SDR42E1: variants seen among roughly 807,000 people sequenced by gnomAD.
SDR42E1 encodes the protein short-chain dehydrogenase/reductase family 42E member 1.
A neutral mutation model predicts 2.6 loss-of-function variants in SDR42E1; 5 were observed. The observed-to-expected ratio is 1.94, with a 90% CI of 1.01 to 4.08. SDR42E1 has a LOEUF of 4.08. Among genes scored for constraint, SDR42E1 ranks in the 30% most tolerant of loss-of-function variants. The probability of loss-of-function intolerance (pLI) is 0.00; values close to 1 mark genes in which losing one functional copy is unlikely to be tolerated. For synonymous variants in SDR42E1, 231 were observed against 188.3 expected, an observed-to-expected ratio of 1.23 and a Z score of -1.86; for missense variants, 596 against 478.6, an observed-to-expected ratio of 1.25 and a Z score of -2.29.
At chr16:82,000,739 T>C in intron 2 of SDR42E1, 52 bp downstream of exon 2, 1 of 1,352,920 alleles carries the variant, frequency 7.4e-7, no homozygotes, top group Non-Finnish European at 1.1e-6. Flanking sequence ...TGAATGCTTC[T>C]GGCAACTACC....
Position 81,999,916 on chromosome 16 carries a change from A to T in SDR42E1, c.377T>A (p.Val126Asp). The change falls in exon 3 of 3, where the codon GTC becomes GAC. Residue 126 changes from valine to aspartate, a missense_variant. Coordinates refer to ENST00000328945, the MANE Select transcript of SDR42E1 (RefSeq NM_145168.3). ...TCTGATAACTTGACCTCCAAAGATG[A>T]CATTGAAAGTGCTGGTGTAAACTAA... ...PRLVYTSTFN[V>D]IFGGQVIRNG... is the part of the protein sequence containing the mutation. 6.2e-7 allele frequency: 1 copy of T among 1,614,226 alleles called. No individual in the cohort carries two copies. Among genetic ancestry groups the T allele is most frequent in the Non-Finnish European group, 8.5e-7 (1 of 1,180,044 alleles).
At chr16:82,001,901 C>CAA (rs60540378) in intron 1 of SDR42E1, among the ~76,000 whole-genome samples, 14 of 67,698 alleles carry the variant, frequency 2.1e-4, no homozygotes, top group African/African-American at 4.1e-4. Flanking sequence ...GACTCCATCT[C>CAA]AAAAAAAAAA....
intron 1 of SDR42E1, among the ~76,000 whole-genome samples, chr16:82,010,276 T>C (rs1239618309): frequency 1.3e-5 from 2 of 152,116 alleles, no homozygotes; most frequent in Non-Finnish European, 2.9e-5. Flanking sequence ...ATGAGGAAAA[T>C]AGATCAGAGG....
At chr16:82,011,235 C>A (rs1403230071) in intron 1 of SDR42E1, among the ~76,000 whole-genome samples, 152 bp downstream of exon 1, 1 of 152,198 alleles carries the variant, frequency 6.6e-6, no homozygotes, top group Non-Finnish European at 1.5e-5. Context: ...AGGAAGACAT[C>A]TGAAAGGGGA....
chr16:82,000,184 G>A lies in SDR42E1; in HGVS notation c.109C>T (p.Leu37=). ...TGAGCAGGGCTGCTGATGTCAAACA[G>A]AATCACATGGACTCCATTTTGGTTC... ...ALNQNGVHVI[L]FDISSPAQTI... is the part of the protein sequence containing the mutation. The change falls in exon 3 of 3, where the codon CTG becomes TTG. Residue 37 remains leucine (L), a synonymous_variant. Transcript: ENST00000328945. 2 of 1,610,952 alleles carry A rather than the reference G, an allele frequency of 1.2e-6. No homozygotes were observed. The highest frequency in any genetic ancestry group is 1.7e-6 in the Non-Finnish European group (2 of 1,178,416).
chr16:82,001,730 G>A (rs571029843), intron 1 of SDR42E1, among the ~76,000 whole-genome samples: 5 of 151,906 alleles, frequency 3.3e-5, no homozygotes, highest in East Asian at 3.9e-4. Context: ...GTGAAACCCC[G>A]TCTCTACTAA....
chr16:81,997,353 G>C lies in SDR42E1; in HGVS notation c.*1758C>G, dbSNP rs1308896809. 6.6e-6 allele frequency: 1 copy of C among 152,108 alleles called. No homozygotes were observed. The highest frequency in any genetic ancestry group is 2.1e-4 in the South Asian group (1 of 4,818). 9.4% of individuals were successfully genotyped at this position (152,108 alleles called of 1,614,324 possible). A position where few individuals can be genotyped will look rare whatever the true frequency, so the allele number is the denominator to read the frequency against. On this transcript the variant is annotated 3_prime_UTR_variant, in exon 3 of 3. Transcript: ENST00000328945. ...TCGCCTTTGACCATCTCCCTCTTCT[G>C]GTATAATACGGAAATACCTTTGTGT...
intron 1 of SDR42E1, among the ~76,000 whole-genome samples, chr16:82,008,170 A>G (rs148802103): frequency 0.03 from 4,560 of 152,316 alleles, 189 homozygotes; most frequent in African/African-American, 0.082. Context: ...GCCTTCTGCC[A>G]TGATTATGAG....
At chr16:82,008,254 C>A (rs969195090) in intron 1 of SDR42E1, among the ~76,000 whole-genome samples, 1 of 152,224 alleles carries the variant, frequency 6.6e-6, no homozygotes, top group African/African-American at 2.4e-5. Context: ...TTGGGAATGT[C>A]TTTATTAGCA....
intron 1 of SDR42E1, among the ~76,000 whole-genome samples, chr16:82,005,969 T>A (rs149801740): frequency 6.6e-4 from 101 of 152,320 alleles, no homozygotes; most frequent in Non-Finnish European, 3.2e-4. Flanking sequence ...TAATAAAAGA[T>A]GACTGGGAGT....
At position 81,990,218 on chromosome 16, in the gene SDR42E1, T is replaced by G. The variant is rs1474608184; in HGVS notation, c.*8893A>C. The G allele has an allele frequency of 6.6e-6, 1 of 152,286 alleles. No individual in the cohort carries two copies. The highest frequency in any genetic ancestry group is 1.9e-4 in the East Asian group (1 of 5,202). 9.4% of individuals were successfully genotyped at this position (152,286 alleles called of 1,614,324 possible). A position where few individuals can be genotyped will look rare whatever the true frequency, so the allele number is the denominator to read the frequency against. On this transcript the variant is annotated 3_prime_UTR_variant, in exon 3 of 3. Transcript: ENST00000328945. ...GTTCTAGCTACTTAGGAGGATCACC[T>G]GAGCCCAGGAGGGCACTGCAGCAGT...
intron 1 of SDR42E1, among the ~76,000 whole-genome samples, chr16:82,006,144 T>C (rs1014907296): frequency 3.9e-5 from 6 of 152,134 alleles, no homozygotes; most frequent in South Asian, 2.1e-4. Flanking sequence ...ATTTCACCAA[T>C]AGAAAGTATG....
intron 2 of SDR42E1, chr16:82,000,503 G>C: frequency 1.7e-6 from 1 of 592,582 alleles, no homozygotes; most frequent in Non-Finnish European, 3.0e-6. Flanking sequence ...CTATTCTTTG[G>C]AATATTTGTG....
In SDR42E1 at chr16:81,999,041, A is replaced by G; in HGVS notation, c.*70T>C. ...TGTTTGGCACCAGATATCACTGTAC[A>G]CATTTTAAAACCCATGTTTCTTGAG... On this transcript the variant is annotated 3_prime_UTR_variant, in exon 3 of 3. Transcript: ENST00000328945. 2.7e-6 allele frequency: 4 copies of G among 1,508,140 alleles called. No homozygotes were observed. The highest frequency in any genetic ancestry group is 2.3e-5 in the East Asian group (1 of 44,306). The allele number at this position is 1,508,140 out of a possible 1,614,324, so 93.4% of individuals were successfully genotyped here. A position where few individuals can be genotyped will look rare whatever the true frequency, so the allele number is the denominator to read the frequency against.
At position 81,989,658 on chromosome 16, in the gene SDR42E1, C is replaced by G. The variant is rs753059377; in HGVS notation, c.*9453G>C. ...AGCATGGTGTAATTGACTCTGCAAT[C>G]TCAAGAAAAGAAAAACTCATTTTCA... On this transcript the variant is annotated 3_prime_UTR_variant, in exon 3 of 3. Transcript: ENST00000328945. The G allele has an allele frequency of 5.3e-5, 8 of 152,180 alleles. No individual in the cohort carries two copies. The highest frequency in any genetic ancestry group is 8.8e-5 in the Non-Finnish European group (6 of 68,038). 9.4% of individuals were successfully genotyped at this position (152,180 alleles called of 1,614,324 possible).
chr16:82,007,488 G>C (rs1254579414), intron 1 of SDR42E1, among the ~76,000 whole-genome samples: 1 of 152,204 alleles, frequency 6.6e-6, no homozygotes, highest in African/African-American at 2.4e-5. Context: ...GAAGCTCAGA[G>C]ACACAAAGTG....
At chr16:82,009,686 T>C (rs570911460) in intron 1 of SDR42E1, among the ~76,000 whole-genome samples, 20 of 152,340 alleles carry the variant, frequency 1.3e-4, no homozygotes, top group African/African-American at 4.6e-4. Context: ...TTGCCTTGCC[T>C]CAGATGAGAC....
chr16:81,999,054 C>A lies in SDR42E1; in HGVS notation c.*57G>T. 6.5e-7 allele frequency: 1 copy of A among 1,547,538 alleles called. No homozygotes were observed. Among genetic ancestry groups the A allele is most frequent in the South Asian group, 1.3e-5 (1 of 79,026 alleles). Reference sequence around the variant, plus strand: ...ATATCACTGTACACATTTTAAAACCCATGTTTCTTGAGAACCATCTCAGCC... The same window carrying A: ...ATATCACTGTACACATTTTAAAACCAATGTTTCTTGAGAACCATCTCAGCC... On this transcript the variant is annotated 3_prime_UTR_variant, in exon 3 of 3. Transcript: ENST00000328945.
chr16:81,995,334 CA>C lies in SDR42E1; in HGVS notation c.*3776del, dbSNP rs987499332. 1 of 152,214 alleles carries C rather than the reference CA, an allele frequency of 6.6e-6. No homozygotes were observed. The highest frequency in any genetic ancestry group is 2.4e-5 in the African/African-American group (1 of 41,410). The allele number at this position is 152,214 out of a possible 1,614,324, so 9.4% of individuals were successfully genotyped here. A position where few individuals can be genotyped will look rare whatever the true frequency, so the allele number is the denominator to read the frequency against. On this transcript the variant is annotated 3_prime_UTR_variant, in exon 3 of 3. Coordinates refer to ENST00000328945, the MANE Select transcript of SDR42E1 (RefSeq NM_145168.3). The stretch of plus-strand genomic sequence containing the variant: ...TGAGTGATTCAATCTAAGGTTGAGG[CA>C]AGGTGAGGGCAGCTGGGAACCCTAG...
Sources: allele counts gnomAD v4.1 joint callset (sites outside exome capture counted in the v4.1 genomes callset), GRCh38; gene constraint gnomAD v4.1.1; transcripts MANE v1.5; gene names NCBI Gene and HGNC (gene_info 2026-07-23, HGNC 2026-07-21).